AIRIM: variants seen among roughly 807,000 people sequenced by gnomAD.
The protein encoded by AIRIM is AFG2 interacting ribosome maturation factor, also known as AFG2-interacting ribosome maturation factor.
chr1:37,687,454 A>T, the AIRIM span, among the ~76,000 whole-genome samples: 1 of 139,244 alleles, frequency 7.2e-6, no homozygotes, highest in East Asian at 1.9e-4. Context: ...TTTTTAATTA[A>T]AACATTTAAA....
the AIRIM span, among the ~76,000 whole-genome samples, chr1:37,685,506 G>A: frequency 2.0e-5 from 3 of 151,518 alleles, no homozygotes; most frequent in African/African-American, 4.9e-5. Context: ...TCACCCTCCC[G>A]AGTAGCTGGG....
At chr1:37,686,360 T>A in the AIRIM span, 1 of 1,613,994 alleles carries the variant, frequency 6.2e-7, no homozygotes, top group Non-Finnish European at 8.5e-7. Context: ...CAGGACAGCA[T>A]CAATGCCAAC....
At chr1:37,690,026 G>GTT in the AIRIM span, 5 of 1,348,924 alleles carry the variant, frequency 3.7e-6, no homozygotes, top group South Asian at 1.7e-5. Flanking sequence ...TTTTTTTTTT[G>GTT]TTTTTTTTTC....
At chr1:37,689,453 TC>T in the AIRIM span, 1 of 868,406 alleles carries the variant, frequency 1.2e-6, no homozygotes, top group Non-Finnish European at 1.7e-6. Context: ...CTGACCGAGG[TC>T]CCACTGCCCC....
the AIRIM span, chr1:37,690,498 C>G: frequency 8.3e-7 from 1 of 1,206,400 alleles, no homozygotes; most frequent in South Asian, 1.4e-5. Context: ...CCTCCAGGGA[C>G]TGCACCACGC....
chr1:37,683,663 G>A, the AIRIM span: 2 of 460,188 alleles, frequency 4.3e-6, no homozygotes, highest in Non-Finnish European at 7.7e-6. Context: ...TGAAATCTGG[G>A]ATCTCAGCAT....
At chr1:37,689,853 C>T in the AIRIM span, 2 of 1,580,014 alleles carry the variant, frequency 1.3e-6, no homozygotes, top group East Asian at 2.3e-5. Context: ...GCCTCCTGCA[C>T]GGCAAGCAGA....
the AIRIM span, chr1:37,689,774 T>C: frequency 6.2e-7 from 1 of 1,613,422 alleles, no homozygotes; most frequent in South Asian, 1.1e-5. Flanking sequence ...CAGGAGGGGC[T>C]GGCAGTCCCG....
the AIRIM span, chr1:37,686,380 G>A: frequency 9.3e-6 from 15 of 1,614,140 alleles, no homozygotes; most frequent in South Asian, 6.6e-5. Flanking sequence ...CTGTGTCTGC[G>A]TGTTGCTCAT....
chr1:37,685,203 G>GC, the AIRIM span, among the ~76,000 whole-genome samples: 26 of 118,540 alleles, frequency 2.2e-4, 1 homozygote, highest in East Asian at 3.0e-3. Context: ...GGGGGGGGGG[G>GC]GTGGGCGGGG....
the AIRIM span, chr1:37,683,805 C>T: frequency 3.9e-5 from 7 of 178,766 alleles, no homozygotes; most frequent in South Asian, 8.5e-4. Flanking sequence ...GAAACATGAA[C>T]AAAGGCACAG....
the AIRIM span, chr1:37,690,015 G>GT: frequency 0.03 from 34,813 of 1,164,200 alleles, 133 homozygotes; most frequent in Middle Eastern, 0.039. Context: ...CAGAAGCAGG[G>GT]TTTTTTTTTT....
chr1:37,686,562 G>C, the AIRIM span: 2 of 1,113,444 alleles, frequency 1.8e-6, no homozygotes, highest in Non-Finnish European at 2.5e-6. Context: ...TGTTGTGAAG[G>C]GCTGCCCTGT....
the AIRIM span, chr1:37,683,073 T>C: frequency 2.1e-5 from 33 of 1,571,764 alleles, no homozygotes; most frequent in South Asian, 8.9e-5. Flanking sequence ...GGGTTCAGAA[T>C]GTCAGTCTTC....
the AIRIM span, chr1:37,683,717 C>T: frequency 6.5e-6 from 2 of 308,802 alleles, no homozygotes; most frequent in Non-Finnish European, 6.1e-6. Context: ...ACAAAAGGGA[C>T]ATGAGAGGTA....
At chr1:37,686,834 G>A in the AIRIM span, among the ~76,000 whole-genome samples, 1 of 152,120 alleles carries the variant, frequency 6.6e-6, no homozygotes, top group Non-Finnish European at 1.5e-5. Flanking sequence ...TTGGGAGGCT[G>A]AGCGGGGTGG....
the AIRIM span, chr1:37,683,415 GA>G: frequency 6.8e-6 from 11 of 1,613,990 alleles, no homozygotes; most frequent in South Asian, 1.2e-4. Flanking sequence ...ATAGACGAAA[GA>G]AGATACTTTC....
At chr1:37,686,456 CAAGA>C in the AIRIM span, 1 of 1,611,104 alleles carries the variant, frequency 6.2e-7, no homozygotes, top group Non-Finnish European at 8.5e-7. Flanking sequence ...GATGGCTCTG[CAAGA>C]AAGAGTCTGA....
At chr1:37,683,144 A>G in the AIRIM span, 1 of 1,612,840 alleles carries the variant, frequency 6.2e-7, no homozygotes, top group South Asian at 1.1e-5. Context: ...GGAAGAAGGA[A>G]ACATTCAATA....
Sources: gnomAD v4.1 joint callset for allele counts (sites outside exome capture counted in the v4.1 genomes callset) on GRCh38, gnomAD v4.1.1 for gene constraint, MANE v1.5 for transcripts, NCBI Gene and HGNC (gene_info 2026-07-23, HGNC 2026-07-21) for gene names.